The following CLEC16A variants were observed in gnomAD, a reference collection of about 807,000 sequenced individuals.
CLEC16A encodes protein CLEC16A.
A neutral mutation model predicts 109.5 loss-of-function variants in CLEC16A; 51 were observed. The observed-to-expected ratio is 0.47, with a 90% CI of 0.37 to 0.59. The LOEUF (loss-of-function observed/expected upper bound fraction) is 0.59. Ranked by LOEUF, CLEC16A falls within the 20% of genes least tolerant of loss-of-function variation. The pLI is 0.00. For missense variants in CLEC16A, 1,339 were observed against 1,394.0 expected (o/e 0.96, Z 0.63); for synonymous variants, 673 against 564.2 (o/e 1.19, Z -2.73).
intron 11 of CLEC16A, among the ~76,000 whole-genome samples, chr16:11,017,435 G>T (rs950216862): frequency 1.3e-5 from 2 of 152,146 alleles, no homozygotes; most frequent in African/African-American, 4.8e-5. Flanking sequence ...TCAAGATAAG[G>T]GGGAGGAAGG....
chr16:10,960,542 G>C lies in CLEC16A; in HGVS notation c.210-1913G>C, dbSNP rs141840807. On this transcript the variant is annotated intron_variant, in intron 2 of 23. Transcript: ENST00000409790. Reference sequence around the variant, plus strand: ...CTGGTGATGTTACCTTTATCACCTGGTTAAGGTGCTGTCTGCCAGGTTTCT... The same window carrying C: ...CTGGTGATGTTACCTTTATCACCTGCTTAAGGTGCTGTCTGCCAGGTTTCT... 1.4e-3 allele frequency among the ~76,000 whole-genome samples: 215 copies of C among 152,240 alleles called. 1 individual carries two copies. Among genetic ancestry groups the C allele is most frequent in the Middle Eastern group, 0.01 (3 of 294 alleles).
chr16:10,998,145 T>C (rs904492418), intron 10 of CLEC16A, among the ~76,000 whole-genome samples: 1 of 152,146 alleles, frequency 6.6e-6, no homozygotes, highest in Non-Finnish European at 1.5e-5. Flanking sequence ...GTTTGACTTT[T>C]GAAAAAGCAA....
chr16:11,138,273 A>C, intron 22 of CLEC16A, among the ~76,000 whole-genome samples: 1 of 152,194 alleles, frequency 6.6e-6, no homozygotes, highest in Non-Finnish European at 1.5e-5. Context: ...CTTGCCAGCT[A>C]GTGGGCTCTG....
intron 3 of CLEC16A, among the ~76,000 whole-genome samples, chr16:10,966,276 T>C (rs970829688): frequency 5.3e-5 from 8 of 152,082 alleles, no homozygotes; most frequent in African/African-American, 1.7e-4. Flanking sequence ...AGCCCTCAGA[T>C]GTGGTAATAA....
intron 22 of CLEC16A, 88 bp from the exon 23 acceptor site, chr16:11,166,300 A>G (rs2068257189): frequency 1.4e-6 from 2 of 1,416,714 alleles, no homozygotes; most frequent in Non-Finnish European, 1.9e-6. Context: ...CAAGGAACTG[A>G]GGTTGGGTTG....
intron 19 of CLEC16A, among the ~76,000 whole-genome samples, chr16:11,109,935 T>C (rs908235442): frequency 6.6e-6 from 1 of 152,226 alleles, no homozygotes; most frequent in Non-Finnish European, 1.5e-5. Flanking sequence ...TATCCCCCTG[T>C]AAGGAAAAAG....
At chr16:11,091,113 T>TAA (rs924300264) in intron 19 of CLEC16A, among the ~76,000 whole-genome samples, 3 of 152,240 alleles carry the variant, frequency 2.0e-5, no homozygotes, top group African/African-American at 7.2e-5. Flanking sequence ...ATTTTGCCTT[T>TAA]AAAGCGCCTA....
intron 19 of CLEC16A, among the ~76,000 whole-genome samples, chr16:11,119,993 G>T (rs529171135): frequency 6.6e-6 from 1 of 151,892 alleles, no homozygotes; most frequent in African/African-American, 2.4e-5. Flanking sequence ...TGTTTGAGAC[G>T]GAGTTTTGCT....
At chr16:10,971,025 T>TTGTTTTTTTCTGAA in intron 4 of CLEC16A, 100 bp from the exon 5 acceptor site, 1 of 547,934 alleles carries the variant, frequency 1.8e-6, no homozygotes, top group Non-Finnish European at 3.0e-6. Context: ...TTTTTTTTTT[T>TTGTTTTTTTCTGAA]GTCTTTTTCT....
intron 10 of CLEC16A, among the ~76,000 whole-genome samples, chr16:10,985,465 G>A (rs1368552017): frequency 2.0e-5 from 3 of 151,750 alleles, no homozygotes; most frequent in East Asian, 1.9e-4. Flanking sequence ...CGTGTTTACC[G>A]TGAAACCTGC....
intron 23 of CLEC16A, among the ~76,000 whole-genome samples, chr16:11,168,013 C>G (rs1345068536): frequency 6.6e-6 from 1 of 152,246 alleles, no homozygotes; most frequent in Non-Finnish European, 1.5e-5. Flanking sequence ...CTTCCTTGCC[C>G]TTGTAGCTGT....
chr16:11,068,835 G>A (rs1457852496), intron 19 of CLEC16A, among the ~76,000 whole-genome samples: 1 of 152,040 alleles, frequency 6.6e-6, no homozygotes. Context: ...TATTTTTTGA[G>A]ACAGAGTCTC....
intron 3 of CLEC16A, among the ~76,000 whole-genome samples, chr16:10,966,117 T>G (rs1487411574): frequency 1.3e-5 from 2 of 152,218 alleles, no homozygotes; most frequent in African/African-American, 2.4e-5. Context: ...CAGAATCACC[T>G]GGGTGACACG....
chr16:11,035,992 G>A (rs2046994389), intron 13 of CLEC16A: 1 of 152,324 alleles, frequency 6.6e-6, no homozygotes, highest in Non-Finnish European at 1.5e-5. Flanking sequence ...AGGGGTTTCT[G>A]TTATATAGTT....
intron 19 of CLEC16A, among the ~76,000 whole-genome samples, chr16:11,120,386 G>C (rs542861034): frequency 6.6e-6 from 1 of 152,382 alleles, no homozygotes; most frequent in East Asian, 1.9e-4. Flanking sequence ...GTTTGAGGGA[G>C]TGTGCATTCT....
At chr16:11,098,550 G>T (rs1478449468) in intron 19 of CLEC16A, among the ~76,000 whole-genome samples, 2 of 152,146 alleles carry the variant, frequency 1.3e-5, no homozygotes, top group Non-Finnish European at 2.9e-5. Context: ...AATGGTATTT[G>T]GGATCTGACA....
chr16:11,139,568 A>G (rs1450859059), intron 22 of CLEC16A, among the ~76,000 whole-genome samples: 3 of 152,206 alleles, frequency 2.0e-5, no homozygotes, highest in Non-Finnish European at 4.4e-5. Flanking sequence ...CTGAAGCCTC[A>G]GAGTAATCAC....
intron 13 of CLEC16A, among the ~76,000 whole-genome samples, chr16:11,038,932 C>T (rs1010858563): frequency 1.3e-5 from 2 of 152,160 alleles, no homozygotes; most frequent in Admixed American, 1.3e-4. Context: ...AACTTGATTC[C>T]TCCTACATGT....
intron 17 of CLEC16A, chr16:11,048,029 A>T (rs1219833269): frequency 6.6e-6 from 1 of 152,290 alleles, no homozygotes; most frequent in African/African-American, 2.4e-5. Flanking sequence ...GGGGATTCTC[A>T]TGTGTCTCAC....
Sources: gnomAD v4.1 joint callset for allele counts (sites outside exome capture counted in the v4.1 genomes callset) on GRCh38, gnomAD v4.1.1 for gene constraint, MANE v1.5 for transcripts, NCBI Gene and HGNC (gene_info 2026-07-23, HGNC 2026-07-21) for gene names.